TFCP2: variants seen among roughly 807,000 people sequenced by gnomAD.
TFCP2 encodes transcription factor CP2, also known as alpha-globin transcription factor CP2.
Under a neutral mutation model 73.4 loss-of-function variants are expected in TFCP2, and 33 were observed. That is an observed-to-expected ratio of 0.45 (90% CI 0.34 to 0.60). The LOEUF is 0.60. Among genes scored for constraint, TFCP2 ranks in the 20% least tolerant of loss-of-function variants. The pLI is 0.01. For synonymous variants in TFCP2, 193 were observed against 211.6 expected (o/e 0.91, Z 0.76); for missense variants, 352 against 604.0 (o/e 0.58, Z 4.37).
intron 6 of TFCP2, among the ~76,000 whole-genome samples, chr12:51,107,630 G>A (rs1020826884): frequency 6.6e-6 from 1 of 150,790 alleles, no homozygotes; most frequent in Non-Finnish European, 1.5e-5. Flanking sequence ...TTTTTGAGAC[G>A]GAGTCTCATC....
intron 1 of TFCP2, among the ~76,000 whole-genome samples, chr12:51,127,116 T>G (rs1940834291): frequency 6.6e-6 from 1 of 152,204 alleles, no homozygotes; most frequent in South Asian, 2.1e-4. Context: ...ATTTGGAACC[T>G]AATCTGAATA....
rs548221121 is a variant in TFCP2, at chr12:51,100,644, C to T, written c.1152-865G>A. On this transcript the variant is annotated intron_variant, in intron 11 of 14. Coordinates refer to ENST00000257915, the MANE Select transcript of TFCP2 (RefSeq NM_005653.5). ...CAGCCAGGGGAACACGGCAAAACCC[C>T]GCCTCTACAAAAAGTACAAAATTAG... 2.6e-5 allele frequency among the ~76,000 whole-genome samples: 4 copies of T among 152,174 alleles called. No individual in the cohort carries two copies. In the South Asian group the frequency reaches 8.3e-4, roughly 32 times the overall value.
At chr12:51,120,427 C>CTTTG (rs1940638294) in intron 1 of TFCP2, among the ~76,000 whole-genome samples, 1 of 151,864 alleles carries the variant, frequency 6.6e-6, no homozygotes, top group Non-Finnish European at 1.5e-5. Context: ...ACAGGCAGAG[C>CTTTG]CAAAGAGAAC....
rs1264927179 is a variant in TFCP2 at position 51,125,566 on chromosome 12, C to T, written c.123-6794G>A. Among the ~76,000 whole-genome samples, 8 of 152,230 alleles carry T rather than the reference C, an allele frequency of 5.3e-5. No individual in the cohort carries two copies. In the South Asian group the frequency reaches 8.3e-4, roughly 16 times the overall value. On this transcript the variant is annotated intron_variant, in intron 1 of 14. Coordinates refer to ENST00000257915, the MANE Select transcript of TFCP2 (RefSeq NM_005653.5). The stretch of plus-strand genomic sequence containing the variant: ...ATACTCTGTTCTTTGCTTCTGCTTT[C>T]TTTAGCCCTTCTGTCTAACCTCTTC...
chr12:51,145,349 T>G (rs988733698), intron 1 of TFCP2, among the ~76,000 whole-genome samples: 31 of 149,034 alleles, frequency 2.1e-4, no homozygotes, highest in Non-Finnish European at 4.4e-5. Context: ...ACCACTGGAC[T>G]CCAGCCTGGG....
intron 4 of TFCP2, among the ~76,000 whole-genome samples, chr12:51,115,185 T>C (rs1940503205): frequency 7.2e-6 from 1 of 139,324 alleles, no homozygotes; most frequent in Non-Finnish European, 1.5e-5. Context: ...AGTGGCGTGG[T>C]CTTGGCTCAC....
chr12:51,140,606 TTTTA>T (rs2137015040), intron 1 of TFCP2, among the ~76,000 whole-genome samples: 1 of 151,526 alleles, frequency 6.6e-6, no homozygotes, highest in African/African-American at 2.4e-5. Flanking sequence ...TTCCTTCATT[TTTTA>T]GAGACAGGGT....
At chr12:51,159,093 C>T (rs7965004) in intron 1 of TFCP2, among the ~76,000 whole-genome samples, 2 of 143,312 alleles carry the variant, frequency 1.4e-5, no homozygotes, top group Admixed American at 1.4e-4. Flanking sequence ...GCAGGGGAAA[C>T]GTTTGAACTC....
At chr12:51,153,728 CTCCT>C (rs1941478636) in intron 1 of TFCP2, among the ~76,000 whole-genome samples, 1 of 152,296 alleles carries the variant, frequency 6.6e-6, no homozygotes, top group South Asian at 2.1e-4. Context: ...ACATCAGAAT[CTCCT>C]TCCTTTTCAA....
intron 6 of TFCP2, among the ~76,000 whole-genome samples, chr12:51,108,902 C>T (rs534644466): frequency 1.3e-5 from 2 of 152,300 alleles, no homozygotes; most frequent in Admixed American, 6.5e-5. Context: ...AATCCATGTT[C>T]TTGCCTCTAG....
At chr12:51,146,625 A>G (rs1159913093) in intron 1 of TFCP2, among the ~76,000 whole-genome samples, 1 of 152,230 alleles carries the variant, frequency 6.6e-6, no homozygotes, top group Non-Finnish European at 1.5e-5. Flanking sequence ...GTAGGAAGAT[A>G]CAGCAAGCTC....
At position 51,172,541 on chromosome 12, in the gene TFCP2, G is replaced by T; in HGVS notation, c.-119C>A. 1 of 1,373,814 alleles carries T rather than the reference G, an allele frequency of 7.3e-7. No homozygotes were observed. The highest frequency in any genetic ancestry group is 1.3e-5 in the South Asian group (1 of 77,004). 85.1% of individuals were successfully genotyped at this position (1,373,814 alleles called of 1,614,324 possible). A position where few individuals can be genotyped will look rare whatever the true frequency, so the allele number is the denominator to read the frequency against. ...TACAAACCAAGGTTTCCCACGCAGTGCCCACCAGCCACCCCCAAGCCCGAC... is the reference window on the plus strand; with the variant it reads ...TACAAACCAAGGTTTCCCACGCAGTTCCCACCAGCCACCCCCAAGCCCGAC... On this transcript the variant is annotated 5_prime_UTR_variant, in exon 1 of 15. Coordinates refer to ENST00000257915, the MANE Select transcript of TFCP2 (RefSeq NM_005653.5).
rs869123355 is a variant in TFCP2, at chr12:51,132,357, C to CTTTTTTTTTTTTT, written c.123-13598_123-13586dup. 1.2e-3 allele frequency among the ~76,000 whole-genome samples: 75 copies of CTTTTTTTTTTTTT among 61,782 alleles called. 26 individuals are homozygous for CTTTTTTTTTTTTT. Among genetic ancestry groups the CTTTTTTTTTTTTT allele is most frequent in the South Asian group, 1.7e-3 (2 of 1,178 alleles). The allele number at this position is 61,782 out of a possible 152,430, so 40.5% of individuals were successfully genotyped here. A position where few individuals can be genotyped will look rare whatever the true frequency, so the allele number is the denominator to read the frequency against. On this transcript the variant is annotated intron_variant, in intron 1 of 14. Transcript: ENST00000257915. ...TGCAAGTTCTGGTTTAGGGATTAGT[C>CTTTTTTTTTTTTT]TTTTTTTTTTTTTTTTTTTTTTTTT...
Position 51,157,673 on chromosome 12 carries a change from TTTC to T in TFCP2, c.122+14625_122+14627del, listed in dbSNP as rs1422715958. ...TTTAGTATTTCAGTAATTTGAGTTT[TTTC>T]TTTTCTTTTCTTTTTTTTTTTTTTT... is the stretch of plus-strand genomic sequence containing the variant. On this transcript the variant is annotated intron_variant, in intron 1 of 14. Coordinates refer to ENST00000257915, the MANE Select transcript of TFCP2 (RefSeq NM_005653.5). Among the ~76,000 whole-genome samples the T allele has an allele frequency of 1.1e-4, 12 of 113,284 alleles. No individual in the cohort carries two copies. In the Admixed American group the frequency reaches 1.3e-3, roughly 13 times the overall value. 74.3% of individuals were successfully genotyped at this position (113,284 alleles called of 152,430 possible). A position where few individuals can be genotyped will look rare whatever the true frequency, so the allele number is the denominator to read the frequency against.
intron 1 of TFCP2, among the ~76,000 whole-genome samples, chr12:51,135,567 C>T (rs552646340): frequency 2.2e-4 from 34 of 152,284 alleles, no homozygotes; most frequent in African/African-American, 7.9e-4. Flanking sequence ...GTATGAAAGG[C>T]ATATAAATAG....
chr12:51,126,348 G>A (rs1178376819), intron 1 of TFCP2, among the ~76,000 whole-genome samples: 4 of 152,138 alleles, frequency 2.6e-5, no homozygotes, highest in Non-Finnish European at 5.9e-5. Flanking sequence ...CCTCAGCATG[G>A]AGGTATAGCA....
At chr12:51,171,288 A>C (rs1248272210) in intron 1 of TFCP2, among the ~76,000 whole-genome samples, 1 of 152,218 alleles carries the variant, frequency 6.6e-6, no homozygotes, top group Non-Finnish European at 1.5e-5. Context: ...CACATCTATA[A>C]ATGAAATAAA....
chr12:51,122,322 C>T (rs570676281), intron 1 of TFCP2, among the ~76,000 whole-genome samples: 77 of 139,380 alleles, frequency 5.5e-4, no homozygotes, highest in African/African-American at 2.1e-3. Flanking sequence ...GCAGTGACAC[C>T]ATCTTGGCTC....
chr12:51,111,008 G>T, intron 4 of TFCP2, 25 bp from the exon 5 acceptor site: 5 of 1,496,826 alleles, frequency 3.3e-6, no homozygotes, highest in Non-Finnish European at 4.7e-6. Flanking sequence ...GGTAATCATT[G>T]AACAATTTTG....
Sources: allele counts gnomAD v4.1 joint callset (sites outside exome capture counted in the v4.1 genomes callset), GRCh38; gene constraint gnomAD v4.1.1; transcripts MANE v1.5; gene names NCBI Gene and HGNC (gene_info 2026-07-23, HGNC 2026-07-21).